Variants in STMN4 observed in about 807,000 individuals in gnomAD.
The protein encoded by STMN4 is stathmin 4.
Under a neutral mutation model 29.1 loss-of-function variants are expected in STMN4, and 12 were observed. That is an observed-to-expected ratio of 0.41 (90% CI 0.26 to 0.67). The LOEUF (loss-of-function observed/expected upper bound fraction) is 0.67. Ranked by LOEUF, STMN4 falls within the 30% of genes least tolerant of loss-of-function variation. STMN4 has a pLI of 0.30. For missense variants in STMN4, 181 were observed against 262.8 expected (o/e 0.69, Z 2.15); for synonymous variants, 114 against 105.3 (o/e 1.08, Z -0.51).
chr8:27,247,695 G>A (rs560348671), intron 1 of STMN4, among the ~76,000 whole-genome samples: 4 of 152,336 alleles, frequency 2.6e-5, no homozygotes, highest in African/African-American at 9.6e-5. Flanking sequence ...GGACAGTAAA[G>A]GTGTTATGCC....
chr8:27,255,153 T>TGTCA (rs1801905572), intron 1 of STMN4, among the ~76,000 whole-genome samples: 8 of 152,216 alleles, frequency 5.3e-5, no homozygotes, highest in Admixed American at 4.6e-4. Flanking sequence ...TTTCCCAGGC[T>TGTCA]GTCACATCTC....
intron 6 of STMN4, 75 bp downstream of exon 6, chr8:27,239,896 C>G: frequency 1.2e-6 from 2 of 1,609,386 alleles, no homozygotes; most frequent in Admixed American, 1.7e-5. Flanking sequence ...AGATGATCAG[C>G]AGGTCCCCGC....
At chr8:27,246,095 C>G (rs1801616620) in intron 1 of STMN4, among the ~76,000 whole-genome samples, 2 of 152,216 alleles carry the variant, frequency 1.3e-5, no homozygotes, top group Non-Finnish European at 2.9e-5. Flanking sequence ...TAGATACTCA[C>G]TAATGCTTTC....
intron 3 of STMN4, among the ~76,000 whole-genome samples, 195 bp from the exon 4 acceptor site, chr8:27,241,952 T>C (rs958952385): frequency 6.6e-6 from 1 of 152,210 alleles, no homozygotes. Context: ...CCACACAGCA[T>C]GGCTGCCACA....
intron 1 of STMN4, among the ~76,000 whole-genome samples, chr8:27,252,711 T>C (rs1801826631): frequency 6.6e-6 from 1 of 152,216 alleles, no homozygotes; most frequent in Non-Finnish European, 1.5e-5. Context: ...GTGGTAAACA[T>C]GGGATTTGAA....
At chr8:27,246,368 A>G (rs1801623857) in intron 1 of STMN4, among the ~76,000 whole-genome samples, 2 of 152,228 alleles carry the variant, frequency 1.3e-5, no homozygotes, top group African/African-American at 4.8e-5. Context: ...AGCAGCTGCT[A>G]TGTGACAAAC....
At position 27,236,836 on chromosome 8, in the gene STMN4, C is replaced by T; in HGVS notation, c.*10G>A. ...CCGGCTGACCTGGAAAGTTCTTTGG[C>T]CTCTAGGCTTTACCTGGAGGCCTCT... On this transcript the variant is annotated 3_prime_UTR_variant, in exon 7 of 7. Coordinates refer to ENST00000350889, the MANE Select transcript of STMN4 (RefSeq NM_030795.4). 6.3e-7 allele frequency: 1 copy of T among 1,599,840 alleles called. No individual in the cohort carries two copies. The highest frequency in any genetic ancestry group is 8.5e-7 in the Non-Finnish European group (1 of 1,174,076).
chr8:27,247,979 C>G (rs1331572986), intron 1 of STMN4, among the ~76,000 whole-genome samples: 1 of 152,164 alleles, frequency 6.6e-6, no homozygotes. Context: ...TTCATTGCAT[C>G]CAGCAGCAAC....
intron 1 of STMN4, among the ~76,000 whole-genome samples, chr8:27,244,230 C>T (rs1801560392): frequency 6.6e-6 from 1 of 152,152 alleles, no homozygotes; most frequent in Non-Finnish European, 1.5e-5. Context: ...CGCACATGCC[C>T]CAGAAGTCTT....
intron 6 of STMN4, chr8:27,239,209 G>A: frequency 5.2e-6 from 8 of 1,534,774 alleles, no homozygotes; most frequent in African/African-American, 1.4e-5. Context: ...GGAAGGAGCG[G>A]GGACCACGCT....
At chr8:27,247,328 C>T (rs538785487) in intron 1 of STMN4, among the ~76,000 whole-genome samples, 1 of 151,610 alleles carries the variant, frequency 6.6e-6, no homozygotes, top group South Asian at 2.1e-4. Flanking sequence ...AATCCTCATG[C>T]CAACAGTCAC....
chr8:27,255,867 C>T (rs541633116), intron 1 of STMN4, among the ~76,000 whole-genome samples: 1 of 152,274 alleles, frequency 6.6e-6, no homozygotes, highest in East Asian at 1.9e-4. Context: ...ACACTTTCAC[C>T]GTCCCTCCAC....
At chr8:27,242,862 C>T (rs1801516433) in intron 2 of STMN4, among the ~76,000 whole-genome samples, 1 of 152,272 alleles carries the variant, frequency 6.6e-6, no homozygotes, top group South Asian at 2.1e-4. Context: ...TTCTTTTTCT[C>T]CAGGACACAG....
chr8:27,246,188 C>T (rs1414849515), intron 1 of STMN4, among the ~76,000 whole-genome samples: 2 of 152,098 alleles, frequency 1.3e-5, no homozygotes, highest in Non-Finnish European at 2.9e-5. Context: ...GTGCTTTCTA[C>T]ATGGAAGGAA....
intron 6 of STMN4, chr8:27,239,149 ATCCT>A: frequency 6.8e-7 from 1 of 1,462,170 alleles, no homozygotes; most frequent in Non-Finnish European, 9.1e-7. Context: ...AAGAAACCAG[ATCCT>A]TCTAGGACCT....
At chr8:27,255,216 G>GT (rs60924777) in intron 1 of STMN4, among the ~76,000 whole-genome samples, 15,229 of 152,150 alleles carry the variant, frequency 0.1, 850 homozygotes, top group East Asian at 0.2. Context: ...CATGATGTAT[G>GT]TTTATTTCTC....
chr8:27,253,692 T>C (rs1251630164), intron 1 of STMN4, among the ~76,000 whole-genome samples: 1 of 148,558 alleles, frequency 6.7e-6, no homozygotes, highest in African/African-American at 2.4e-5. Flanking sequence ...GTGACCATCA[T>C]TGATACCATT....
intron 4 of STMN4, 79 bp downstream of exon 4, chr8:27,241,598 C>A: frequency 2.6e-6 from 4 of 1,518,756 alleles, no homozygotes; most frequent in Non-Finnish European, 3.6e-6. Context: ...GGCAGGGGTG[C>A]GTTTCAGCCC....
chr8:27,255,562 G>A (rs1801916581), intron 1 of STMN4, among the ~76,000 whole-genome samples: 1 of 152,188 alleles, frequency 6.6e-6, no homozygotes, highest in Admixed American at 6.5e-5. Context: ...CGTCTATACA[G>A]TTGGTTTAAT....
Sources: gnomAD v4.1 joint callset for allele counts (sites outside exome capture counted in the v4.1 genomes callset) on GRCh38, gnomAD v4.1.1 for gene constraint, MANE v1.5 for transcripts, NCBI Gene and HGNC (gene_info 2026-07-23, HGNC 2026-07-21) for gene names.